SLC1A7: variants seen among roughly 807,000 people sequenced by gnomAD.
The protein encoded by SLC1A7 is solute carrier family 1 member 7, also known as excitatory amino acid transporter 5.
SLC1A7 carries 40 observed loss-of-function variants against 47.7 expected under a neutral mutation model. The observed-to-expected ratio is 0.84, with a 90% CI of 0.65 to 1.09. The LOEUF (loss-of-function observed/expected upper bound fraction) is 1.09, where lower values mean the gene tolerates loss of function less well. Among genes scored for constraint, SLC1A7 ranks in the 50% least tolerant of loss-of-function variants. SLC1A7 has a pLI of 0.00. For synonymous variants in SLC1A7, 323 were observed against 325.6 expected (o/e 0.99, Z 0.09); for missense variants, 746 against 769.5 (o/e 0.97, Z 0.36).
chr1:53,123,003 C>A (rs566781943), intron 2 of SLC1A7, among the ~76,000 whole-genome samples: 1 of 152,278 alleles, frequency 6.6e-6, no homozygotes, highest in East Asian at 1.9e-4. Context: ...GAAGGTCCCT[C>A]CTTCCCAGGC....
intron 2 of SLC1A7, among the ~76,000 whole-genome samples, chr1:53,128,692 CG>C (rs1466593314): frequency 1.4e-5 from 2 of 141,776 alleles, no homozygotes; most frequent in African/African-American, 5.2e-5. Context: ...AGGGAGCACC[CG>C]GGTGTGCCTC....
At chr1:53,106,351 C>T (rs925560298) in intron 3 of SLC1A7, among the ~76,000 whole-genome samples, 25 of 152,018 alleles carry the variant, frequency 1.6e-4, no homozygotes, top group Middle Eastern at 3.4e-3. Flanking sequence ...AAAACGGTGG[C>T]TCACGCCTGT....
intron 5 of SLC1A7, among the ~76,000 whole-genome samples, chr1:53,097,363 CCCCTCGGT>C (rs1557670231): frequency 7.9e-6 from 1 of 126,056 alleles, no homozygotes; most frequent in Non-Finnish European, 1.8e-5. Context: ...TCACACACAC[CCCCTCGGT>C]ACACTCACAC....
Position 53,142,550 on chromosome 1 carries a change from G to A in SLC1A7, c.-101C>T. On this transcript the variant is annotated 5_prime_UTR_variant, in exon 1 of 11. Transcript: ENST00000371494. ...GCTGAGGGCTCTAGCCCCTCAGCAG[G>A]CAGGTGGTCGGAGTTGCTAAACACC... The A allele has an allele frequency of 2.9e-6, 4 of 1,383,546 alleles. No homozygotes were observed. The highest frequency in any genetic ancestry group is 3.9e-6 in the Non-Finnish European group (4 of 1,036,422). The allele number at this position is 1,383,546 out of a possible 1,614,324, so 85.7% of individuals were successfully genotyped here. A position where few individuals can be genotyped will look rare whatever the true frequency, so the allele number is the denominator to read the frequency against.
chr1:53,127,272 A>G (rs542388680), intron 2 of SLC1A7, among the ~76,000 whole-genome samples: 43 of 152,278 alleles, frequency 2.8e-4, no homozygotes, highest in Admixed American at 6.5e-4. Flanking sequence ...TGTATGGGGC[A>G]GTGAGAAATC....
At chr1:53,131,739 G>A (rs1644943718) in intron 2 of SLC1A7, among the ~76,000 whole-genome samples, 1 of 152,254 alleles carries the variant, frequency 6.6e-6, no homozygotes, top group Non-Finnish European at 1.5e-5. Context: ...TTGGCTAGGT[G>A]CTGACAACAC....
At chr1:53,093,603 C>G in intron 5 of SLC1A7, 43 bp from the exon 6 acceptor site, 1 of 1,461,702 alleles carries the variant, frequency 6.8e-7, no homozygotes, top group East Asian at 2.4e-5. Context: ...CAGGGACAGA[C>G]CCACAGGCCC....
intron 7 of SLC1A7, among the ~76,000 whole-genome samples, chr1:53,091,408 C>T (rs1433234604): frequency 1.3e-5 from 2 of 152,246 alleles, no homozygotes; most frequent in African/African-American, 2.4e-5. Context: ...CGGTTCTACT[C>T]GCCAGAGCCT....
In SLC1A7 at chr1:53,088,920, G is replaced by A; in HGVS notation, c.1421C>T (p.Ala474Val). ...LGDALAAGIM[A>V]HICRKDFARD... ...GGCAAAATCCTTCCGACATATATGG[G>A]CCATGATCCCCGCTGCCAGCGCATC... The change falls in exon 10 of 11, where the codon GCC becomes GTC. Residue 474 changes from alanine to valine, a missense_variant. Coordinates refer to ENST00000371494, the MANE Select transcript of SLC1A7 (RefSeq NM_006671.6). 1 of 1,614,106 alleles carries A rather than the reference G, an allele frequency of 6.2e-7. No individual in the cohort carries two copies. Among genetic ancestry groups the A allele is most frequent in the East Asian group, 2.2e-5 (1 of 44,880 alleles).
At chr1:53,114,734 C>A (rs199943867) in intron 3 of SLC1A7, 24 bp downstream of exon 3, 2 of 1,604,510 alleles carry the variant, frequency 1.2e-6, no homozygotes, top group South Asian at 1.1e-5. Context: ...CGTTCCCAAG[C>A]GGGGTGTGGG....
intron 2 of SLC1A7, among the ~76,000 whole-genome samples, chr1:53,133,837 C>G (rs1644964629): frequency 8.7e-6 from 1 of 115,252 alleles, no homozygotes; most frequent in African/African-American, 3.2e-5. Flanking sequence ...GTCCCAACCT[C>G]CTGAGTGCTC....
chr1:53,092,151 C>T (rs1644428882), intron 7 of SLC1A7, among the ~76,000 whole-genome samples: 1 of 152,210 alleles, frequency 6.6e-6, no homozygotes, highest in Non-Finnish European at 1.5e-5. Context: ...GACAGGGCAC[C>T]CAGCCAGGAC....
chr1:53,142,535 C>A lies in SLC1A7; in HGVS notation c.-86G>T. 6.9e-7 allele frequency: 1 copy of A among 1,449,816 alleles called. No individual in the cohort carries two copies. Among genetic ancestry groups the A allele is most frequent in the East Asian group, 2.4e-5 (1 of 41,950 alleles). 89.8% of individuals were successfully genotyped at this position (1,449,816 alleles called of 1,614,324 possible). On this transcript the variant is annotated 5_prime_UTR_variant, in exon 1 of 11. Transcript: ENST00000371494. ...GGGCACAGGGTCTGGGCTGAGGGCTCTAGCCCCTCAGCAGGCAGGTGGTCG... is the reference window on the plus strand; with the variant it reads ...GGGCACAGGGTCTGGGCTGAGGGCTATAGCCCCTCAGCAGGCAGGTGGTCG...
At position 53,137,299 on chromosome 1, in the gene SLC1A7, A is replaced by AAAAAAAAAAG. The variant is rs71044460; in HGVS notation, c.136-2871_136-2870insCTTTTTTTTT. 8.3e-4 allele frequency among the ~76,000 whole-genome samples: 116 copies of AAAAAAAAAAG among 139,746 alleles called. 9 individuals carry two copies. The highest frequency in any genetic ancestry group is 1.1e-3 in the Non-Finnish European group (70 of 64,860). 91.7% of individuals were successfully genotyped at this position (139,746 alleles called of 152,430 possible). On this transcript the variant is annotated intron_variant, in intron 1 of 10. Coordinates refer to ENST00000371494, the MANE Select transcript of SLC1A7 (RefSeq NM_006671.6). ...GAGACGCTATCTCCAAAAAAAAAAA[A>AAAAAAAAAAG]GTGCTCTACTGATAAAAAGGCAGCT...
At position 53,088,050 on chromosome 1, in the gene SLC1A7, G is replaced by A; in HGVS notation, c.1642C>T (p.His548Tyr). 1 of 1,593,672 alleles carries A rather than the reference G, an allele frequency of 6.3e-7. No individual in the cohort carries two copies. Among genetic ancestry groups the A allele is most frequent in the Non-Finnish European group, 8.6e-7 (1 of 1,167,178 alleles). ...DEELPAASLN[H>Y]CTIQISELET... ...AGCTCACTGATCTGGATGGTGCAGT[G>A]GTTCAGACTCGCAGCGGGCAGCTCC... Residue 548 changes from histidine (H) to tyrosine (Y), a missense_variant, in exon 11 of 11, where the codon CAC becomes TAC. Physicochemically the swap from His to Tyr is moderately conservative, Grantham distance 83. Coordinates refer to ENST00000371494, the MANE Select transcript of SLC1A7 (RefSeq NM_006671.6).
rs749776723 is a variant in SLC1A7 at position 53,114,886 on chromosome 1, G to A, written c.303C>T (p.Phe101=). The change falls in exon 3 of 11, where the codon TTC becomes TTT. Residue 101 remains phenylalanine (F), a synonymous_variant. Coordinates refer to ENST00000371494, the MANE Select transcript of SLC1A7 (RefSeq NM_006671.6). ...TGAAGATGCCCACGATGACAGCCATGAAGGTGGTCCACAGGTAGTACGCCA... is the reference window on the plus strand; with the variant it reads ...TGAAGATGCCCACGATGACAGCCATAAAGGTGGTCCACAGGTAGTACGCCA... ...LTVAYYLWTT[F]MAVIVGIFMV... 1 of 1,614,224 alleles carries A rather than the reference G, an allele frequency of 6.2e-7. No homozygotes were observed. The highest frequency in any genetic ancestry group is 8.5e-7 in the Non-Finnish European group (1 of 1,180,030).
chr1:53,127,038 GTTTTTT>G (rs61456544), intron 2 of SLC1A7, among the ~76,000 whole-genome samples: 5 of 97,580 alleles, frequency 5.1e-5, no homozygotes, highest in South Asian at 7.8e-4. Flanking sequence ...AATTTTAAAA[GTTTTTT>G]TTTTTTTTTT....
At chr1:53,114,017 C>A (rs1644728087) in intron 3 of SLC1A7, among the ~76,000 whole-genome samples, 2 of 152,192 alleles carry the variant, frequency 1.3e-5, no homozygotes, top group South Asian at 4.1e-4. Flanking sequence ...GCCCCAGGCC[C>A]CCATGTTGTC....
chr1:53,131,677 T>C (rs964315801), intron 2 of SLC1A7, among the ~76,000 whole-genome samples: 4 of 152,274 alleles, frequency 2.6e-5, no homozygotes, highest in African/African-American at 9.6e-5. Flanking sequence ...GCAGGATCCA[T>C]TAATTAATTC....
Sources: allele counts gnomAD v4.1 joint callset (sites outside exome capture counted in the v4.1 genomes callset), GRCh38; gene constraint gnomAD v4.1.1; transcripts MANE v1.5; gene names NCBI Gene and HGNC (gene_info 2026-07-23, HGNC 2026-07-21).